IL36B: variants seen among roughly 807,000 people sequenced by gnomAD.
IL36B encodes the protein interleukin 36 beta, also known as interleukin-36 beta.
In IL36B, 23 loss-of-function variants were observed where a neutral mutation model predicts 19.3. The observed-to-expected ratio is 1.19, with a 90% CI of 0.86 to 1.69. The LOEUF is 1.69. Among genes scored for constraint, IL36B ranks in the 40% most tolerant of loss-of-function variants. The pLI, the probability that IL36B is intolerant of heterozygous loss-of-function variation, is 0.00. For missense variants in IL36B, 217 were observed against 200.5 expected, an observed-to-expected ratio of 1.08 and a Z score of -0.50; for synonymous variants, 59 against 59.7, an observed-to-expected ratio of 0.99 and a Z score of 0.05.
At chr2:113,038,643 A>C (rs1356994795) in intron 1 of IL36B, among the ~76,000 whole-genome samples, 3 of 152,186 alleles carry the variant, frequency 2.0e-5, no homozygotes, top group Non-Finnish European at 4.4e-5. Flanking sequence ...GAGGTTGGTT[A>C]ATGTAGGGGC....
intron 1 of IL36B, among the ~76,000 whole-genome samples, chr2:113,033,300 C>T (rs1261397970): frequency 2.6e-5 from 4 of 152,188 alleles, no homozygotes; most frequent in Non-Finnish European, 2.9e-5. Flanking sequence ...GGCACGATCT[C>T]GGCTCATGGA....
intron 5 of IL36B, among the ~76,000 whole-genome samples, chr2:113,024,149 T>C (rs1684911009): frequency 6.6e-6 from 1 of 152,116 alleles, no homozygotes. Context: ...GTCACACGGG[T>C]AAACTCCCTC....
chr2:113,022,416 TA>T lies in IL36B; in HGVS notation c.*257del, dbSNP rs1253749963. The T allele has an allele frequency of 7.9e-6, 2 of 253,158 alleles. No homozygotes were observed. The highest frequency in any genetic ancestry group is 1.5e-5 in the Non-Finnish European group (2 of 133,316). The allele number at this position is 253,158 out of a possible 1,614,324, so 15.7% of individuals were successfully genotyped here. A position where few individuals can be genotyped will look rare whatever the true frequency, so the allele number is the denominator to read the frequency against. On this transcript the variant is annotated 3_prime_UTR_variant, in exon 6 of 6. Transcript: ENST00000259213. ...TGAAAACCTTGACTTTACAATTTTTTAAAAAACACTCTAAGGACTGGACAAA... is the reference window on the plus strand; with the variant it reads ...TGAAAACCTTGACTTTACAATTTTTTAAAAACACTCTAAGGACTGGACAAA...
chr2:113,024,288 AG>A (rs775639147), intron 5 of IL36B, among the ~76,000 whole-genome samples: 4 of 152,202 alleles, frequency 2.6e-5, no homozygotes, highest in Non-Finnish European at 4.4e-5. Context: ...TGGAAAAAAA[AG>A]GTCATAGGAA....
chr2:113,032,004 C>G (rs1296302169), intron 1 of IL36B, among the ~76,000 whole-genome samples: 1 of 152,056 alleles, frequency 6.6e-6, no homozygotes, highest in African/African-American at 2.4e-5. Context: ...CTGTGATGGT[C>G]TTGGTATGCT....
intron 1 of IL36B, among the ~76,000 whole-genome samples, chr2:113,041,198 C>G (rs960977606): frequency 2.4e-4 from 35 of 148,726 alleles, no homozygotes. Flanking sequence ...AAATGCCAAA[C>G]AAGCTTGGAG....
At chr2:113,046,369 T>C (rs538694683) in intron 1 of IL36B, among the ~76,000 whole-genome samples, 21 of 152,038 alleles carry the variant, frequency 1.4e-4, no homozygotes, top group African/African-American at 2.9e-4. Context: ...GCCACCACGC[T>C]CAGCTAATTT....
intron 4 of IL36B, chr2:113,026,268 T>C (rs757559790): frequency 3.7e-6 from 6 of 1,612,062 alleles, no homozygotes; most frequent in Admixed American, 1.7e-5. Flanking sequence ...GCTGAGATAA[T>C]ACACTGCCAG....
At chr2:113,030,723 G>C (rs1485337977) in intron 3 of IL36B, among the ~76,000 whole-genome samples, 1 of 152,188 alleles carries the variant, frequency 6.6e-6, no homozygotes, top group African/African-American at 2.4e-5. Context: ...TGAATCTGAG[G>C]ACACAGGTAG....
At chr2:113,036,764 A>G (rs1685173880) in intron 1 of IL36B, among the ~76,000 whole-genome samples, 1 of 152,240 alleles carries the variant, frequency 6.6e-6, no homozygotes, top group Admixed American at 6.5e-5. Flanking sequence ...TTAAGCTGAG[A>G]GCCCAGATAT....
intron 1 of IL36B, among the ~76,000 whole-genome samples, chr2:113,049,801 A>C (rs1685411025): frequency 6.6e-6 from 1 of 152,152 alleles, no homozygotes. Flanking sequence ...CTAAAAATAC[A>C]AAAGTTAGCC....
chr2:113,044,473 T>C (rs1685315420), intron 1 of IL36B, among the ~76,000 whole-genome samples: 1 of 152,126 alleles, frequency 6.6e-6, no homozygotes, highest in African/African-American at 2.4e-5. Flanking sequence ...TTTTATTTTT[T>C]GTAAAGACAA....
rs1685430643 is a variant in IL36B at position 113,050,880 on chromosome 2, G to A, written c.-58+1937C>T. 2.0e-5 allele frequency among the ~76,000 whole-genome samples: 3 copies of A among 152,346 alleles called. No individual in the cohort carries two copies. The South Asian group carries it at 6.2e-4, about 32-fold the overall frequency. ...TGCTTTAGATGCTCGCTACTCGGGTGAGGGCTGCAGATCCTTGTGGAAAGA... is the reference window on the plus strand; with the variant it reads ...TGCTTTAGATGCTCGCTACTCGGGTAAGGGCTGCAGATCCTTGTGGAAAGA... On this transcript the variant is annotated intron_variant, in intron 1 of 5. Transcript: ENST00000259213.
intron 1 of IL36B, among the ~76,000 whole-genome samples, chr2:113,032,494 C>G (rs1685094514): frequency 6.6e-6 from 1 of 152,174 alleles, no homozygotes. Context: ...CAATAGTTGT[C>G]CCTACACAGT....
rs539205354 is a variant in IL36B, at chr2:113,033,308, G to A, written c.-57-1542C>T. Among the ~76,000 whole-genome samples the A allele has an allele frequency of 1.2e-4, 19 of 152,238 alleles. No homozygotes were observed. In the South Asian group the frequency reaches 3.7e-3, roughly 30 times the overall value. On this transcript the variant is annotated intron_variant, in intron 1 of 5. Coordinates refer to ENST00000259213, the MANE Select transcript of IL36B (RefSeq NM_014438.5). Reference sequence around the variant, plus strand: ...GTGCAGTGGCACGATCTCGGCTCATGGAAACTTCCGCCTCTCAGGTTCAAG... The same window carrying A: ...GTGCAGTGGCACGATCTCGGCTCATAGAAACTTCCGCCTCTCAGGTTCAAG...
In IL36B at chr2:113,031,733, A is replaced by G. The variant is rs750287936; in HGVS notation, c.-24T>C. ...ATGATGTCTTCAGAGCCTTTTGTGA[A>G]GAGAACAAGATAGATCAGATGGTGG... On this transcript the variant is annotated 5_prime_UTR_variant, in exon 2 of 6. Transcript: ENST00000259213. 7 of 1,597,530 alleles carry G rather than the reference A, an allele frequency of 4.4e-6. No homozygotes were observed. The highest frequency in any genetic ancestry group is 6.0e-6 in the Non-Finnish European group (7 of 1,165,640).
chr2:113,043,199 T>C (rs1416520536), intron 1 of IL36B, among the ~76,000 whole-genome samples: 1 of 152,166 alleles, frequency 6.6e-6, no homozygotes, highest in Non-Finnish European at 1.5e-5. Flanking sequence ...TTCTCAGATA[T>C]ATACATTACA....
intron 1 of IL36B, among the ~76,000 whole-genome samples, chr2:113,050,250 A>G (rs1685419314): frequency 6.6e-6 from 1 of 152,228 alleles, no homozygotes; most frequent in African/African-American, 2.4e-5. Context: ...TGTGGTACAC[A>G]CACCACACAG....
rs1378616085 is a variant in IL36B, at chr2:113,052,743, G to T, written c.-58+74C>A. 2.0e-5 allele frequency: 3 copies of T among 152,214 alleles called. No individual in the cohort carries two copies. In the East Asian group the frequency reaches 5.8e-4, roughly 29 times the overall value. 9.4% of individuals were successfully genotyped at this position (152,214 alleles called of 1,614,324 possible). Reference sequence around the variant, plus strand: ...GCCATGCTAGCTACATGCATTTTTGGTCATGAACCAGTCTTAGATTTAAGT... The same window carrying T: ...GCCATGCTAGCTACATGCATTTTTGTTCATGAACCAGTCTTAGATTTAAGT... On this transcript the variant is annotated intron_variant, in intron 1 of 5. Transcript: ENST00000259213.
Sources: allele counts gnomAD v4.1 joint callset (sites outside exome capture counted in the v4.1 genomes callset), GRCh38; gene constraint gnomAD v4.1.1; transcripts MANE v1.5; gene names NCBI Gene and HGNC (gene_info 2026-07-23, HGNC 2026-07-21).